The following MAPKAPK3 variants were observed in gnomAD, a reference collection of about 807,000 sequenced individuals.
MAPKAPK3 encodes MAP kinase-activated protein kinase 3.
MAPKAPK3 carries 35 observed loss-of-function variants against 49.2 expected under a neutral mutation model. The ratio of observed to expected loss-of-function variants is 0.71; its 90% CI spans 0.54 to 0.94. The LOEUF (loss-of-function observed/expected upper bound fraction) is 0.94, where lower values mean the gene tolerates loss of function less well. MAPKAPK3 is among the 40% of genes least tolerant of loss of function. The pLI, the probability that MAPKAPK3 is intolerant of heterozygous loss-of-function variation, is 0.00. For synonymous variants in MAPKAPK3, 178 were observed against 188.7 expected (o/e 0.94, Z 0.46); for missense variants, 398 against 493.1 (o/e 0.81, Z 1.83).
rs2033309167 is a variant in MAPKAPK3 at position 50,646,762 on chromosome 3, G to A, written c.852G>A (p.Leu284=). ...TAGCCAAGCAGCTGATCCGCCTCCT[G>A]TTGAAGACAGACCCCACAGAGAGGC... The part of the protein sequence containing the change: ...SEDAKQLIRL[L]LKTDPTERLT... Residue 284 remains leucine (L), a synonymous_variant, in exon 9 of 11, where the codon CTG becomes CTA. Transcript: ENST00000621469. 2 of 1,613,918 alleles carry A rather than the reference G, an allele frequency of 1.2e-6. No homozygotes were observed. Among genetic ancestry groups the A allele is most frequent in the African/African-American group, 1.3e-5 (1 of 74,910 alleles).
At chr3:50,618,227 G>C (rs1220212376) in intron 2 of MAPKAPK3, among the ~76,000 whole-genome samples, 1 of 152,302 alleles carries the variant, frequency 6.6e-6, no homozygotes, top group East Asian at 1.9e-4. Flanking sequence ...CTTCCCTGTG[G>C]CCCCTGCCTG....
intron 2 of MAPKAPK3, among the ~76,000 whole-genome samples, chr3:50,621,513 G>A (rs924880522): frequency 2.0e-5 from 3 of 150,778 alleles, no homozygotes; most frequent in East Asian, 2.0e-4. Flanking sequence ...CAGGAGAATC[G>A]CTTGAACCTG....
upstream of MAPKAPK3, among the ~76,000 whole-genome samples, chr3:50,615,648 C>G (rs540416256): frequency 6.6e-6 from 1 of 152,206 alleles, no homozygotes; most frequent in African/African-American, 2.4e-5. Flanking sequence ...GATAGTGTGA[C>G]CTCCTCTAGG....
chr3:50,621,779 GA>G (rs2032616634), intron 2 of MAPKAPK3, among the ~76,000 whole-genome samples: 1 of 152,064 alleles, frequency 6.6e-6, no homozygotes, highest in Admixed American at 6.6e-5. Flanking sequence ...CTCAAAAATT[GA>G]AAGAAAGAAA....
chr3:50,642,430 G>A (rs928529208), intron 5 of MAPKAPK3, 98 bp downstream of exon 5: 1 of 859,300 alleles, frequency 1.2e-6, no homozygotes, highest in African/African-American at 1.6e-5. Flanking sequence ...TGGAGGCCAT[G>A]TTCCCTAGTC....
At position 50,648,920 on chromosome 3, in the gene MAPKAPK3, A is replaced by G. The variant is rs2033369958; in HGVS notation, c.*874A>G. On this transcript the variant is annotated 3_prime_UTR_variant, in exon 11 of 11. Coordinates refer to ENST00000621469, the MANE Select transcript of MAPKAPK3 (RefSeq NM_001243925.2). The stretch of plus-strand genomic sequence containing the variant: ...TTGAAGTCAGGGGCTATCTTTTGGT[A>G]TACTTGTGTGAAAGTGGCTGGTTGG... 6.6e-6 allele frequency: 1 copy of G among 152,286 alleles called. No homozygotes were observed. Among genetic ancestry groups the G allele is most frequent in the South Asian group, 2.1e-4 (1 of 4,838 alleles). The allele number at this position is 152,286 out of a possible 1,614,324, so 9.4% of individuals were successfully genotyped here.
intron 2 of MAPKAPK3, among the ~76,000 whole-genome samples, chr3:50,635,499 C>G (rs924477389): frequency 7.3e-6 from 1 of 137,558 alleles, no homozygotes; most frequent in African/African-American, 2.8e-5. Flanking sequence ...CTCACTGCAA[C>G]CTCCGCCTCC....
chr3:50,648,180 G>A lies in MAPKAPK3; in HGVS notation c.*134G>A, dbSNP rs376394277. The A allele has an allele frequency of 1.9e-4, 177 of 953,934 alleles. No homozygotes were observed. In the African/African-American group the frequency reaches 2.5e-3, roughly 13 times the overall value. 59.1% of individuals were successfully genotyped at this position (953,934 alleles called of 1,614,324 possible). ...TTTGTTGTGTTTTAATTTGTCACTCGGAACTTCAGGATGGAGGACCCTGAC... is the reference window on the plus strand; with the variant it reads ...TTTGTTGTGTTTTAATTTGTCACTCAGAACTTCAGGATGGAGGACCCTGAC... On this transcript the variant is annotated 3_prime_UTR_variant, in exon 11 of 11. Coordinates refer to ENST00000621469, the MANE Select transcript of MAPKAPK3 (RefSeq NM_001243925.2).
At chr3:50,617,397 C>T (rs1004071976) in intron 1 of MAPKAPK3, 117 bp from the exon 2 acceptor site, 16 of 581,038 alleles carry the variant, frequency 2.8e-5, no homozygotes, top group African/African-American at 2.2e-4. Flanking sequence ...ACTCTCAGGC[C>T]GTTCGTCCCG....
chr3:50,640,411 T>C lies in MAPKAPK3; in HGVS notation c.265T>C (p.Trp89Arg). Residue 89 changes from tryptophan (W) to arginine (R), a missense_variant, in exon 3 of 11, where the codon TGG (tryptophan) becomes CGG (arginine). This residue lies in a region of MAPKAPK3 where 123 missense variants were observed against 117.7 expected (regional missense o/e 1.04). Transcript: ENST00000621469. ...GGCCCGGCAGGAGGTAGACCATCACTGGCAGGCTTCTGGCGGCCCCCATAT... is the reference window on the plus strand; with the variant it reads ...GGCCCGGCAGGAGGTAGACCATCACCGGCAGGCTTCTGGCGGCCCCCATAT... ...PKARQEVDHH[W>R]QASGGPHIVC... 1 of 1,614,160 alleles carries C rather than the reference T, an allele frequency of 6.2e-7. No homozygotes were observed. Among genetic ancestry groups the C allele is most frequent in the African/African-American group, 1.3e-5 (1 of 75,042 alleles).
Position 50,617,235 on chromosome 3 carries a change from C to A in MAPKAPK3, c.-59C>A. On this transcript the variant is annotated 5_prime_UTR_variant, in exon 1 of 11. Coordinates refer to ENST00000621469, the MANE Select transcript of MAPKAPK3 (RefSeq NM_001243925.2). ...GCCGGTACCTCAGCAAGGTGCGTTGCCGCCAGGTACGCCCTCGCTGGGCCC... is the reference window on the plus strand; with the variant it reads ...GCCGGTACCTCAGCAAGGTGCGTTGACGCCAGGTACGCCCTCGCTGGGCCC... 4.4e-6 allele frequency: 1 copy of A among 227,752 alleles called. No homozygotes were observed. The highest frequency in any genetic ancestry group is 8.6e-6 in the Non-Finnish European group (1 of 116,596). 14.1% of individuals were successfully genotyped at this position (227,752 alleles called of 1,614,324 possible).
At chr3:50,611,556 G>A, upstream of MAPKAPK3, 2 of 1,522,920 alleles carry the variant, frequency 1.3e-6, no homozygotes, top group Non-Finnish European at 1.8e-6. Flanking sequence ...CCAATGCCCG[G>A]CAGCTAGCAC....
intron 2 of MAPKAPK3, among the ~76,000 whole-genome samples, chr3:50,631,626 A>G (rs1339137579): frequency 6.6e-6 from 1 of 152,258 alleles, no homozygotes; most frequent in African/African-American, 2.4e-5. Context: ...TGTCTCTTAT[A>G]TCATTTGAGA....
upstream of MAPKAPK3, among the ~76,000 whole-genome samples, chr3:50,613,331 A>C (rs949255727): frequency 6.6e-6 from 1 of 152,146 alleles, no homozygotes; most frequent in Non-Finnish European, 1.5e-5. Context: ...TGGGGAAAAA[A>C]CGTTAAGTTT....
chr3:50,622,662 T>C (rs2032638139), intron 2 of MAPKAPK3, among the ~76,000 whole-genome samples: 1 of 152,216 alleles, frequency 6.6e-6, no homozygotes, highest in South Asian at 2.1e-4. Flanking sequence ...GTTCTTTGAT[T>C]ACAGCTCAGA....
At chr3:50,646,056 C>T (rs992013883) in intron 7 of MAPKAPK3, 84 bp from the exon 8 acceptor site, 2 of 1,525,382 alleles carry the variant, frequency 1.3e-6, no homozygotes, top group Admixed American at 1.9e-5. Context: ...TTGTCTGTCT[C>T]CCCAGTCAGG....
chr3:50,632,746 G>T (rs1278879558), intron 2 of MAPKAPK3, among the ~76,000 whole-genome samples: 1 of 152,282 alleles, frequency 6.6e-6, no homozygotes, highest in Non-Finnish European at 1.5e-5. Context: ...CAGGTTAATT[G>T]GCCAGGGGTA....
chr3:50,616,330 A>G (rs1421362063), upstream of MAPKAPK3, among the ~76,000 whole-genome samples: 6 of 152,226 alleles, frequency 3.9e-5, no homozygotes, highest in African/African-American at 7.2e-5. Flanking sequence ...CTGTGAAATG[A>G]GAGTTGCTTA....
chr3:50,635,716 A>G (rs1185168786), intron 2 of MAPKAPK3, among the ~76,000 whole-genome samples: 1 of 151,564 alleles, frequency 6.6e-6, no homozygotes, highest in Non-Finnish European at 1.5e-5. Context: ...CGCCTGGCCA[A>G]TTTAATCTTA....
Sources: allele counts gnomAD v4.1 joint callset (sites outside exome capture counted in the v4.1 genomes callset), GRCh38; gene constraint gnomAD v4.1.1; regional missense constraint gnomAD v4.1.1; transcripts MANE v1.5; gene names NCBI Gene and HGNC (gene_info 2026-07-23, HGNC 2026-07-21).